Variants in DHX57 observed in about 807,000 individuals in gnomAD.
DHX57 encodes DExH-box helicase 57, also known as putative ATP-dependent RNA helicase DHX57.
Under a neutral mutation model 156.2 loss-of-function variants are expected in DHX57, and 105 were observed. The observed-to-expected ratio is 0.67, with a 90% CI of 0.57 to 0.79. DHX57 has a LOEUF of 0.79. Ranked by LOEUF, DHX57 falls within the 30% of genes least tolerant of loss-of-function variation. DHX57 has a pLI of 0.00. For synonymous variants in DHX57, 704 were observed against 595.6 expected (o/e 1.18, Z -2.65); for missense variants, 1,847 against 1,661.9 (o/e 1.11, Z -1.94).
At position 38,847,044 on chromosome 2, in the gene DHX57, A is replaced by G. The variant is rs745992771; in HGVS notation, c.2194T>C (p.Leu732=). The change falls in exon 11 of 24, where the codon TTG becomes CTG. Residue 732 remains leucine (L), a synonymous_variant. Transcript: ENST00000457308. ...GRTFPVDQFF[L]EDAIAVTRYV... is the part of the protein sequence containing the mutation. ...CTTGTCACAGCAATTGCATCTTCCA[A>G]AAAAAATTGATCAACAGGAAATGTA... is the stretch of plus-strand genomic sequence containing the variant. The G allele has an allele frequency of 1.2e-6, 2 of 1,613,816 alleles. No individual in the cohort carries two copies. The highest frequency in any genetic ancestry group is 3.3e-5 in the Admixed American group (2 of 59,990).
chr2:38,863,672 T>C (rs938805575), intron 2 of DHX57, among the ~76,000 whole-genome samples, 153 bp from the exon 3 acceptor site: 4 of 152,194 alleles, frequency 2.6e-5, no homozygotes, highest in African/African-American at 9.7e-5. Flanking sequence ...CCATTTTCTA[T>C]AGTATTTACC....
chr2:38,810,975 C>A (rs1670214306), intron 21 of DHX57: 1 of 816,436 alleles, frequency 1.2e-6, no homozygotes, highest in African/African-American at 1.7e-5. Flanking sequence ...TGCTGGTCAC[C>A]TTCACAGGGA....
chr2:38,802,664 C>G, intron 23 of DHX57, 51 bp downstream of exon 23: 4 of 1,604,392 alleles, frequency 2.5e-6, no homozygotes, highest in South Asian at 1.1e-5. Context: ...TTCATATTGT[C>G]AAAGCCCCTC....
At chr2:38,813,956 G>C (rs1670400759) in intron 20 of DHX57, 61 bp from the exon 21 acceptor site, 3 of 1,574,916 alleles carry the variant, frequency 1.9e-6, no homozygotes, top group Admixed American at 1.7e-5. Context: ...TTTTCTTTTT[G>C]AGATGGAGTC....
rs1665590749 is a variant in DHX57 at position 38,875,851 on chromosome 2, A to G, written c.-71T>C. ...GTGCTGCCCAAGGGTCAGAGGTCCA[A>G]ACTGGACTTGGCCACCCTCACGATT... On this transcript the variant is annotated 5_prime_UTR_variant, in exon 1 of 24. Coordinates refer to ENST00000457308, the MANE Select transcript of DHX57 (RefSeq NM_198963.3). The G allele has an allele frequency of 7.6e-6, 3 of 394,528 alleles. No homozygotes were observed. The highest frequency in any genetic ancestry group is 1.3e-5 in the Non-Finnish European group (3 of 224,190). 24.4% of individuals were successfully genotyped at this position (394,528 alleles called of 1,614,324 possible).
Position 38,838,130 on chromosome 2 carries a change from G to C in DHX57, c.2426-183C>G, listed in dbSNP as rs373951605. ...TTTCTTTATTTAGAGACAGGGTCTT[G>C]CTCTGTCACCCAGGCTGGAATGCAG... On this transcript the variant is annotated intron_variant, in intron 12 of 23. Coordinates refer to ENST00000457308, the MANE Select transcript of DHX57 (RefSeq NM_198963.3). Among the ~76,000 whole-genome samples the C allele has an allele frequency of 2.0e-5, 3 of 152,198 alleles. 1 individual carries two copies. The highest frequency in any genetic ancestry group is 3.9e-4 in the East Asian group (2 of 5,178).
In DHX57 at chr2:38,855,225, C is replaced by G; in HGVS notation, c.1737G>C (p.Gln579His). 6.2e-7 allele frequency: 1 copy of G among 1,614,188 alleles called. No homozygotes were observed. Among genetic ancestry groups the G allele is most frequent in the Non-Finnish European group, 8.5e-7 (1 of 1,180,022 alleles). Residue 579 changes from glutamine to histidine, a missense_variant, in exon 8 of 24, where the codon CAG becomes CAC. Transcript: ENST00000457308. ...TGCGKTTQIP[Q>H]FILDDSLNGP... ...CATTCAGAGAATCATCCAGAATAAACTGCGGAATTTGTGTGGTTTTCCCAC... is the reference window on the plus strand; with the variant it reads ...CATTCAGAGAATCATCCAGAATAAAGTGCGGAATTTGTGTGGTTTTCCCAC...
At chr2:38,866,537 T>C (rs902347168) in intron 2 of DHX57, among the ~76,000 whole-genome samples, 3 of 152,210 alleles carry the variant, frequency 2.0e-5, no homozygotes, top group Non-Finnish European at 4.4e-5. Context: ...CTCCATAGCA[T>C]GCGGCACCTG....
intron 14 of DHX57, among the ~76,000 whole-genome samples, chr2:38,826,928 TGA>T (rs1162108284): frequency 6.6e-6 from 1 of 151,986 alleles, no homozygotes; most frequent in Non-Finnish European, 1.5e-5. Context: ...GTCAGGAGTT[TGA>T]GATCAGCCTA....
At chr2:38,860,576 C>T (rs1444672237) in intron 5 of DHX57, among the ~76,000 whole-genome samples, 2 of 152,142 alleles carry the variant, frequency 1.3e-5, no homozygotes, top group African/African-American at 4.8e-5. Context: ...GGGTCTAGTA[C>T]ACCAAAAGCA....
chr2:38,822,499 T>G (rs1048947700), intron 17 of DHX57, among the ~76,000 whole-genome samples: 3 of 152,038 alleles, frequency 2.0e-5, no homozygotes, highest in African/African-American at 7.2e-5. Context: ...GTTCAAGCGA[T>G]TCTCCTGCAT....
intron 13 of DHX57, among the ~76,000 whole-genome samples, chr2:38,837,209 T>C (rs1177850034): frequency 6.6e-6 from 1 of 152,190 alleles, no homozygotes. Flanking sequence ...GCCTTAACTA[T>C]ACTGTGCTAA....
chr2:38,825,814 T>C, intron 16 of DHX57, 33 bp downstream of exon 16: 1 of 1,609,482 alleles, frequency 6.2e-7, no homozygotes, highest in Non-Finnish European at 8.5e-7. Context: ...ATTTAGACCT[T>C]TTGGAAGCAA....
intron 19 of DHX57, 35 bp downstream of exon 19, chr2:38,818,841 TA>T: frequency 1.9e-6 from 3 of 1,610,494 alleles, no homozygotes; most frequent in Non-Finnish European, 1.7e-6. Context: ...GCTACTCTAA[TA>T]AAAAAATGAA....
At chr2:38,837,467 C>G (rs1671739087) in intron 13 of DHX57, among the ~76,000 whole-genome samples, 1 of 151,576 alleles carries the variant, frequency 6.6e-6, no homozygotes, top group South Asian at 2.1e-4. Context: ...CAAAATTAGC[C>G]AGGTGTGGTG....
rs147731841 is a variant in DHX57 at position 38,855,240 on chromosome 2, G to A, written c.1722C>T (p.Thr574=). 6.2e-4 allele frequency: 1,006 copies of A among 1,614,028 alleles called. 7 individuals carry two copies. In the African/African-American group the frequency reaches 0.01, roughly 16 times the overall value. Residue 574 remains threonine (T), a synonymous_variant, in exon 8 of 24, where the codon ACC becomes ACT. Coordinates refer to ENST00000457308, the MANE Select transcript of DHX57 (RefSeq NM_198963.3). ...VISGMTGCGK[T]TQIPQFILDD... ...CCAGAATAAACTGCGGAATTTGTGT[G>A]GTTTTCCCACATCTGTACATTAAAA...
At chr2:38,811,571 G>C in intron 21 of DHX57, 1 of 1,336,108 alleles carries the variant, frequency 7.5e-7, no homozygotes, top group South Asian at 1.2e-5. Context: ...TAATGTCATA[G>C]CCTTGTTCCT....
intron 1 of DHX57, among the ~76,000 whole-genome samples, chr2:38,873,010 C>T (rs946344446): frequency 6.6e-6 from 1 of 151,076 alleles, no homozygotes; most frequent in Admixed American, 6.6e-5. Flanking sequence ...TTTTTTAAGA[C>T]AGAGTCTTGC....
At chr2:38,843,955 T>C (rs1252919662) in intron 11 of DHX57, among the ~76,000 whole-genome samples, 1 of 152,312 alleles carries the variant, frequency 6.6e-6, no homozygotes, top group African/African-American at 2.4e-5. Context: ...TGGGGGCTAT[T>C]CTTTCAGCCC....
Sources: gnomAD v4.1 joint callset for allele counts (sites outside exome capture counted in the v4.1 genomes callset) on GRCh38, gnomAD v4.1.1 for gene constraint, MANE v1.5 for transcripts, NCBI Gene and HGNC (gene_info 2026-07-23, HGNC 2026-07-21) for gene names.